TTC29: variants seen among roughly 807,000 people sequenced by gnomAD.
The protein encoded by TTC29 is tetratricopeptide repeat domain 29.
Under a neutral mutation model 58.1 loss-of-function variants are expected in TTC29, and 49 were observed. The ratio of observed to expected loss-of-function variants is 0.84; its 90% CI spans 0.67 to 1.07. TTC29 has a LOEUF of 1.07. Ranked by LOEUF, TTC29 falls within the 50% of genes least tolerant of loss-of-function variation. The probability of loss-of-function intolerance (pLI) is 0.00; values close to 1 mark genes in which losing one functional copy is unlikely to be tolerated. For missense variants in TTC29, 582 were observed against 555.6 expected, an observed-to-expected ratio of 1.05 and a Z score of -0.48; for synonymous variants, 209 against 196.8, an observed-to-expected ratio of 1.06 and a Z score of -0.52.
chr4:146,926,056 C>T (rs1734908939), intron 4 of TTC29, among the ~76,000 whole-genome samples: 1 of 152,134 alleles, frequency 6.6e-6, no homozygotes, highest in African/African-American at 2.4e-5. Flanking sequence ...GACCAGTTAA[C>T]ACAGAGAATA....
At chr4:146,901,339 C>T (rs184184253) in intron 6 of TTC29, among the ~76,000 whole-genome samples, 7 of 152,188 alleles carry the variant, frequency 4.6e-5, no homozygotes, top group East Asian at 1.9e-4. Flanking sequence ...CTACTATTAA[C>T]GTGTTAGTGT....
At chr4:146,802,128 C>G (rs184083856) in intron 11 of TTC29, among the ~76,000 whole-genome samples, 2 of 149,768 alleles carry the variant, frequency 1.3e-5, no homozygotes, top group African/African-American at 4.9e-5. Flanking sequence ...TGGAGTTTAT[C>G]CAAAATAAAT....
intron 11 of TTC29, among the ~76,000 whole-genome samples, chr4:146,745,775 C>T (rs770452692): frequency 6.6e-6 from 1 of 152,148 alleles, no homozygotes; most frequent in East Asian, 1.9e-4. Flanking sequence ...GTGTGGAATA[C>T]ATAAAGGCTA....
intron 10 of TTC29, among the ~76,000 whole-genome samples, chr4:146,814,778 C>T (rs1223192365): frequency 6.9e-6 from 1 of 145,408 alleles, no homozygotes; most frequent in Non-Finnish European, 1.5e-5. Flanking sequence ...GATGGCCATT[C>T]TTTCGTTGCT....
chr4:146,842,170 T>A (rs1240285511), intron 8 of TTC29, among the ~76,000 whole-genome samples: 1 of 152,050 alleles, frequency 6.6e-6, no homozygotes, highest in South Asian at 2.1e-4. Flanking sequence ...CAGCTCAAAA[T>A]GTGCATAGTG....
Position 146,909,030 on chromosome 4 carries a change from C to A in TTC29, c.396G>T (p.Arg132Ser). ...HYLTRAEDAE[R>S]KESFEDVHNN... ...GCCCACAGTCCCACCACTTACCTTT[C>A]CTCTCAGCGTCCTCAGCCCTGGTCA... Residue 132 changes from arginine to serine, a missense_variant, in exon 5 of 13, where the codon AGG becomes AGT. Physicochemically the swap from Arg to Ser is moderately radical, Grantham distance 110. Transcript: ENST00000325106. 6.2e-7 allele frequency: 1 copy of A among 1,613,568 alleles called. No individual in the cohort carries two copies. The highest frequency in any genetic ancestry group is 8.5e-7 in the Non-Finnish European group (1 of 1,179,634).
At chr4:146,743,385 A>G (rs1347611039) in intron 11 of TTC29, among the ~76,000 whole-genome samples, 1 of 152,208 alleles carries the variant, frequency 6.6e-6, no homozygotes, top group Non-Finnish European at 1.5e-5. Context: ...AGCTCAAAAC[A>G]GATACTGATT....
At chr4:146,726,282 G>A (rs1297194659) in intron 11 of TTC29, among the ~76,000 whole-genome samples, 1 of 152,062 alleles carries the variant, frequency 6.6e-6, no homozygotes, top group Non-Finnish European at 1.5e-5. Flanking sequence ...GTGAAATCCT[G>A]TCTTTACCAA....
intron 11 of TTC29, among the ~76,000 whole-genome samples, chr4:146,717,263 G>T (rs537211192): frequency 1.3e-5 from 2 of 152,144 alleles, no homozygotes; most frequent in African/African-American, 4.8e-5. Context: ...GTCAGCACTT[G>T]TATGGTTATT....
intron 9 of TTC29, among the ~76,000 whole-genome samples, chr4:146,828,986 A>C (rs1486297126): frequency 6.6e-6 from 1 of 152,222 alleles, no homozygotes; most frequent in African/African-American, 2.4e-5. Flanking sequence ...TCTTACAGAA[A>C]GGGTACAGCT....
At chr4:146,878,721 C>T (rs963683015) in intron 6 of TTC29, among the ~76,000 whole-genome samples, 3 of 152,144 alleles carry the variant, frequency 2.0e-5, no homozygotes, top group Non-Finnish European at 2.9e-5. Context: ...CTAGTCTCTT[C>T]CAGTTCTATA....
chr4:146,864,914 G>C (rs1730469831), intron 8 of TTC29, among the ~76,000 whole-genome samples: 1 of 133,700 alleles, frequency 7.5e-6, no homozygotes, highest in Non-Finnish European at 1.6e-5. Context: ...TTAGGAAGTA[G>C]ATTTTTTTTT....
At chr4:146,915,685 A>G (rs1367863674) in intron 4 of TTC29, among the ~76,000 whole-genome samples, 1 of 152,052 alleles carries the variant, frequency 6.6e-6, no homozygotes, top group African/African-American at 2.4e-5. Flanking sequence ...AAACCACCTA[A>G]GTAGGTCTTT....
intron 9 of TTC29, among the ~76,000 whole-genome samples, chr4:146,828,673 A>G (rs1727969267): frequency 6.6e-6 from 1 of 152,144 alleles, no homozygotes; most frequent in South Asian, 2.1e-4. Context: ...AGAAACACAA[A>G]ATAGTATAAA....
intron 8 of TTC29, among the ~76,000 whole-genome samples, chr4:146,867,017 G>C (rs1367583936): frequency 6.6e-6 from 1 of 152,132 alleles, no homozygotes; most frequent in Admixed American, 6.6e-5. Flanking sequence ...CTCAGACTGA[G>C]ACTAACACCC....
rs183926221 is a variant in TTC29 at position 146,823,791 on chromosome 4, T to C, written c.978-3543A>G. Among the ~76,000 whole-genome samples the C allele has an allele frequency of 8.3e-4, 127 of 152,330 alleles. 2 individuals carry two copies. Among genetic ancestry groups the C allele is most frequent in the African/African-American group, 2.4e-3 (101 of 41,568 alleles). ...TCTTATTTCCTTCAGTAGTGGTTTGTAGTGCTCCTTGAAGAGGTCCTTCAC... is the reference window on the plus strand; with the variant it reads ...TCTTATTTCCTTCAGTAGTGGTTTGCAGTGCTCCTTGAAGAGGTCCTTCAC... On this transcript the variant is annotated intron_variant, in intron 9 of 12. Coordinates refer to ENST00000325106, the MANE Select transcript of TTC29 (RefSeq NM_031956.4).
chr4:146,816,400 C>T (rs756376411), intron 10 of TTC29, among the ~76,000 whole-genome samples: 1 of 151,864 alleles, frequency 6.6e-6, no homozygotes, highest in Non-Finnish European at 1.5e-5. Context: ...AGAGAGGAGT[C>T]AATAAAGGCA....
chr4:146,733,661 C>T (rs1384700296), intron 11 of TTC29, among the ~76,000 whole-genome samples: 1 of 152,044 alleles, frequency 6.6e-6, no homozygotes, highest in East Asian at 1.9e-4. Flanking sequence ...ATGACAAATG[C>T]CTACTCAAAA....
chr4:146,893,129 C>A (rs1366515063), intron 6 of TTC29, among the ~76,000 whole-genome samples: 1 of 152,100 alleles, frequency 6.6e-6, no homozygotes, highest in African/African-American at 2.4e-5. Context: ...AGATTCAGTG[C>A]CATCCCCATC....
Sources: gnomAD v4.1 joint callset for allele counts (sites outside exome capture counted in the v4.1 genomes callset) on GRCh38, gnomAD v4.1.1 for gene constraint, MANE v1.5 for transcripts, NCBI Gene and HGNC (gene_info 2026-07-23, HGNC 2026-07-21) for gene names.